HERC4: variants seen among roughly 807,000 people sequenced by gnomAD.
HERC4 encodes the protein HECT and RLD domain containing E3 ubiquitin protein ligase 4, also known as probable E3 ubiquitin-protein ligase HERC4.
HERC4 carries 28 observed loss-of-function variants against 124.3 expected under a neutral mutation model. The ratio of observed to expected loss-of-function variants is 0.23; its 90% confidence interval spans 0.17 to 0.31. The LOEUF is 0.31. Among genes scored for constraint, HERC4 ranks in the 10% least tolerant of loss-of-function variants. The pLI is 1.00. For missense variants in HERC4, 713 were observed against 1,229.3 expected (o/e 0.58, Z 6.28); for synonymous variants, 407 against 421.5 (o/e 0.97, Z 0.42).
chr10:68,044,017 A>G (rs893229253), intron 4 of HERC4, among the ~76,000 whole-genome samples: 2 of 152,188 alleles, frequency 1.3e-5, no homozygotes, highest in Admixed American at 6.5e-5. Flanking sequence ...CAGAAACAAT[A>G]AAGACTAAAA....
At chr10:68,010,259 C>T in intron 9 of HERC4, 1 of 1,012,488 alleles carries the variant, frequency 9.9e-7, no homozygotes, top group Non-Finnish European at 1.5e-6. Context: ...GGGAAAGGCA[C>T]TAAGGAACAC....
chr10:68,003,061 ATATT>A (rs1241181098), intron 9 of HERC4, among the ~76,000 whole-genome samples: 2 of 152,086 alleles, frequency 1.3e-5, no homozygotes, highest in African/African-American at 2.4e-5. Flanking sequence ...TTCCAATAAT[ATATT>A]TATTTTTAAA....
chr10:68,006,437 T>C (rs1333638240), intron 9 of HERC4, among the ~76,000 whole-genome samples: 1 of 151,574 alleles, frequency 6.6e-6, no homozygotes, highest in Non-Finnish European at 1.5e-5. Flanking sequence ...AATGGTGCGA[T>C]CTCAGCTCAC....
At position 67,992,255 on chromosome 10, in the gene HERC4, A is replaced by G; in HGVS notation, c.1215T>C (p.Ala405=). ...PTKQIWTVNE[A]LIQKWLSYPS... ...GATAGCTCAGCCATTTCTGAATTAGAGCTTCATTCACTGTCCAGATCTGCT... is the reference window on the plus strand; with the variant it reads ...GATAGCTCAGCCATTTCTGAATTAGGGCTTCATTCACTGTCCAGATCTGCT... The change falls in exon 11 of 25, where the codon GCT becomes GCC. Residue 405 remains alanine, a synonymous_variant. Transcript: ENST00000373700. The G allele has an allele frequency of 6.2e-7, 1 of 1,614,112 alleles. No homozygotes were observed. Among genetic ancestry groups the G allele is most frequent in the South Asian group, 1.1e-5 (1 of 91,082 alleles).
chr10:68,004,453 C>T (rs2037420442), intron 9 of HERC4, among the ~76,000 whole-genome samples: 1 of 152,196 alleles, frequency 6.6e-6, no homozygotes, highest in Admixed American at 6.5e-5. Flanking sequence ...TGGGGTATCA[C>T]TCAAGAAATT....
rs769954509 is a variant in HERC4 at position 67,932,756 on chromosome 10, C to T, written c.2679G>A (p.Val893=). The T allele has an allele frequency of 1.3e-6, 2 of 1,598,232 alleles. No individual in the cohort carries two copies. The highest frequency in any genetic ancestry group is 3.7e-5 in the Admixed American group (2 of 54,264). The part of the protein sequence containing the change: ...QNRQEFVDAY[V]DYIFNKSVAS... ...CCACTGATTTATTGAATATGTAATCCACATAAGCATCGACAAACTCTTGCC... is the reference window on the plus strand; with the variant it reads ...CCACTGATTTATTGAATATGTAATCTACATAAGCATCGACAAACTCTTGCC... The change falls in exon 23 of 25, where the codon GTG becomes GTA. Residue 893 remains valine (V), a synonymous_variant. Coordinates refer to ENST00000373700, the MANE Select transcript of HERC4 (RefSeq NM_015601.4).
At chr10:67,949,952 G>A (rs2033676150) in intron 19 of HERC4, among the ~76,000 whole-genome samples, 1 of 152,016 alleles carries the variant, frequency 6.6e-6, no homozygotes, top group East Asian at 1.9e-4. Context: ...CTGGAAGGTG[G>A]AGTTTGCAGT....
chr10:68,056,180 T>A (rs561955812), intron 3 of HERC4, among the ~76,000 whole-genome samples: 79 of 152,292 alleles, frequency 5.2e-4, no homozygotes, highest in Admixed American at 3.6e-3. Flanking sequence ...GTTGCTTTAG[T>A]TCAATTTCTT....
chr10:68,013,950 A>C, intron 9 of HERC4, 76 bp downstream of exon 9: 1 of 1,236,800 alleles, frequency 8.1e-7, no homozygotes, highest in Admixed American at 2.5e-5. Context: ...TTTCGCAGAA[A>C]TCTTCATGAT....
chr10:68,039,718 T>G (rs2039665492), intron 4 of HERC4: 4 of 1,335,046 alleles, frequency 3.0e-6, no homozygotes, highest in Non-Finnish European at 2.9e-6. Flanking sequence ...ACACTGGCAA[T>G]GCAAACAGAG....
chr10:68,027,270 G>A (rs969496019), intron 7 of HERC4, among the ~76,000 whole-genome samples: 6 of 152,124 alleles, frequency 3.9e-5, no homozygotes, highest in Admixed American at 3.9e-4. Context: ...AAGGTAAAGA[G>A]AAAATATAGT....
chr10:68,051,341 ATTTTTTTTTT>A (rs34027809), intron 3 of HERC4, among the ~76,000 whole-genome samples: 2 of 129,956 alleles, frequency 1.5e-5, no homozygotes, highest in African/African-American at 5.8e-5. Flanking sequence ...TGTTAACACT[ATTTTTTTTTT>A]TTTTTTTTTT....
intron 16 of HERC4, chr10:67,959,161 CAAT>C: frequency 6.4e-7 from 1 of 1,571,102 alleles, no homozygotes; most frequent in Non-Finnish European, 8.6e-7. Context: ...CAGAATATAA[CAAT>C]AACGAGGAAA....
chr10:68,069,477 C>T (rs749695691), intron 3 of HERC4: 109 of 985,258 alleles, frequency 1.1e-4, no homozygotes, highest in Admixed American at 2.5e-4. Context: ...TAAAGGAATT[C>T]AGTTAAATCT....
At chr10:68,014,883 A>C (rs558086742) in intron 8 of HERC4, among the ~76,000 whole-genome samples, 1 of 152,318 alleles carries the variant, frequency 6.6e-6, no homozygotes. Flanking sequence ...GGTTTTACTG[A>C]GGGGACATGG....
rs558580906 is a variant in HERC4 at position 68,072,762 on chromosome 10, T to C, written c.226+121A>G. On this transcript the variant is annotated intron_variant, in intron 3 of 24. Transcript: ENST00000373700. ...TACACATATAATGGAAATACATAAC[T>C]TCTACTTTGCTTTTAAAGCTTGATA... 1.2e-5 allele frequency: 8 copies of C among 645,376 alleles called. No individual in the cohort carries two copies. The African/African-American group carries it at 1.3e-4, about 11-fold the overall frequency. 40.0% of individuals were successfully genotyped at this position (645,376 alleles called of 1,614,324 possible).
chr10:68,048,116 A>G (rs1490698385), intron 3 of HERC4, among the ~76,000 whole-genome samples: 1 of 151,860 alleles, frequency 6.6e-6, no homozygotes, highest in Non-Finnish European at 1.5e-5. Flanking sequence ...ACAGGGTCTC[A>G]CTATGTTGCC....
intron 7 of HERC4, among the ~76,000 whole-genome samples, chr10:68,028,197 C>A (rs949739619): frequency 6.7e-6 from 1 of 150,316 alleles, no homozygotes; most frequent in Non-Finnish European, 1.5e-5. Flanking sequence ...ACCTAAAATA[C>A]AATTTGCAAA....
chr10:67,978,326 G>A (rs2035721804), intron 15 of HERC4, among the ~76,000 whole-genome samples: 1 of 152,242 alleles, frequency 6.6e-6, no homozygotes, highest in African/African-American at 2.4e-5. Flanking sequence ...TATTCTGGCA[G>A]TACTCCCCAC....
Sources: gnomAD v4.1 joint callset for allele counts (sites outside exome capture counted in the v4.1 genomes callset) on GRCh38, gnomAD v4.1.1 for gene constraint, MANE v1.5 for transcripts, NCBI Gene and HGNC (gene_info 2026-07-23, HGNC 2026-07-21) for gene names.